Variants in RAB38 observed in about 807,000 individuals in gnomAD.
RAB38 encodes the protein ras-related protein Rab-38.
A neutral mutation model predicts 18.4 loss-of-function variants in RAB38; 15 were observed. The observed-to-expected ratio is 0.82, with a 90% CI of 0.55 to 1.26. The LOEUF (loss-of-function observed/expected upper bound fraction) is 1.26. RAB38 is among the 50% of genes most tolerant of loss of function. The pLI, the probability that RAB38 is intolerant of heterozygous loss-of-function variation, is 0.00. For missense variants in RAB38, 294 were observed against 267.4 expected (o/e 1.10, Z -0.69); for synonymous variants, 101 against 104.4 (o/e 0.97, Z 0.20).
the RAB38 span, among the ~76,000 whole-genome samples, chr11:87,805,743 A>G: frequency 6.6e-6 from 1 of 152,114 alleles, no homozygotes; most frequent in Non-Finnish European, 1.5e-5. Flanking sequence ...ACACATACAT[A>G]TATACACATA....
chr11:87,818,916 A>G, the RAB38 span, among the ~76,000 whole-genome samples: 1 of 152,328 alleles, frequency 6.6e-6, no homozygotes, highest in East Asian at 1.9e-4. Flanking sequence ...TCATCCATTC[A>G]ATTTTCACAA....
chr11:87,940,925 C>A, the RAB38 span, among the ~76,000 whole-genome samples: 1 of 151,924 alleles, frequency 6.6e-6, no homozygotes, highest in Non-Finnish European at 1.5e-5. Flanking sequence ...AGCCACCACG[C>A]CCAGCCCAGA....
At chr11:87,941,839 T>C in the RAB38 span, among the ~76,000 whole-genome samples, 1 of 152,166 alleles carries the variant, frequency 6.6e-6, no homozygotes, top group Non-Finnish European at 1.5e-5. Context: ...TCTGTTTCTC[T>C]GTAGGAATAA....
the RAB38 span, chr11:88,050,323 G>A: frequency 2.0e-5 from 3 of 152,270 alleles, no homozygotes; most frequent in African/African-American, 7.2e-5. Flanking sequence ...GACCTTATAA[G>A]TTATTTATTC....
chr11:87,951,356 G>T, the RAB38 span, among the ~76,000 whole-genome samples: 1 of 151,930 alleles, frequency 6.6e-6, no homozygotes, highest in Non-Finnish European at 1.5e-5. Context: ...CCTGTAGCTC[G>T]GAGTAGTTTG....
the RAB38 span, among the ~76,000 whole-genome samples, chr11:87,974,745 CA>C: frequency 1.3e-5 from 2 of 148,774 alleles, no homozygotes; most frequent in Non-Finnish European, 3.0e-5. Context: ...ACTTTATATA[CA>C]GAGGGATTAT....
intron 2 of RAB38, among the ~76,000 whole-genome samples, chr11:88,131,473 T>C (rs1942767156): frequency 6.6e-6 from 1 of 152,218 alleles, no homozygotes; most frequent in African/African-American, 2.4e-5. Context: ...TTTATTTCCC[T>C]GGCTTCCTTG....
the RAB38 span, among the ~76,000 whole-genome samples, chr11:88,003,973 G>A: frequency 8.5e-6 from 1 of 118,308 alleles, no homozygotes. Context: ...ATATATAAAG[G>A]TATATGCATA....
the RAB38 span, among the ~76,000 whole-genome samples, chr11:87,804,648 A>G: frequency 6.6e-6 from 1 of 152,026 alleles, no homozygotes; most frequent in Admixed American, 6.6e-5. Context: ...TCTCGGAAGT[A>G]AGGCAAGAAA....
the RAB38 span, among the ~76,000 whole-genome samples, chr11:88,071,968 G>A: frequency 2.3e-4 from 35 of 152,268 alleles, no homozygotes; most frequent in African/African-American, 7.9e-4. Flanking sequence ...CATGCCCATT[G>A]TAAGTCATAA....
At chr11:87,862,210 A>G in the RAB38 span, among the ~76,000 whole-genome samples, 1 of 151,970 alleles carries the variant, frequency 6.6e-6, no homozygotes, top group African/African-American at 2.4e-5. Flanking sequence ...ACATGCACGG[A>G]TATGTTCATT....
chr11:88,150,739 C>T (rs991309426), intron 1 of RAB38, among the ~76,000 whole-genome samples: 1 of 152,080 alleles, frequency 6.6e-6, no homozygotes, highest in South Asian at 2.1e-4. Flanking sequence ...AATCATAATT[C>T]AAACCTGAGC....
intron 2 of RAB38, among the ~76,000 whole-genome samples, chr11:88,126,738 T>C (rs574488121): frequency 1.1e-4 from 17 of 152,138 alleles, no homozygotes; most frequent in African/African-American, 3.9e-4. Context: ...GTATCCCAGC[T>C]CTGTGTATTG....
the RAB38 span, among the ~76,000 whole-genome samples, chr11:88,072,502 G>A: frequency 6.6e-6 from 1 of 152,182 alleles, no homozygotes; most frequent in South Asian, 2.1e-4. Flanking sequence ...AGAGAAAATG[G>A]CACAGAAAAA....
intron 2 of RAB38, among the ~76,000 whole-genome samples, chr11:88,125,320 T>TCC (rs1329271226): frequency 1.3e-5 from 2 of 152,162 alleles, no homozygotes; most frequent in Non-Finnish European, 2.9e-5. Context: ...CATAAACCCT[T>TCC]CCCTCAATGT....
chr11:87,893,050 C>T, the RAB38 span, among the ~76,000 whole-genome samples: 133 of 151,638 alleles, frequency 8.8e-4, no homozygotes, highest in Non-Finnish European at 1.7e-3. Context: ...GTATGTTGCT[C>T]CACAGATACT....
the RAB38 span, among the ~76,000 whole-genome samples, chr11:87,806,744 G>A: frequency 1.3e-5 from 2 of 152,148 alleles, no homozygotes; most frequent in Admixed American, 6.5e-5. Context: ...ATCAAGACAA[G>A]TATTTTATTG....
the RAB38 span, among the ~76,000 whole-genome samples, chr11:87,915,740 C>T: frequency 6.6e-6 from 1 of 152,146 alleles, no homozygotes; most frequent in Non-Finnish European, 1.5e-5. Flanking sequence ...TTTCACTTTA[C>T]TCTATGGACT....
At chr11:87,942,462 C>T in the RAB38 span, among the ~76,000 whole-genome samples, 5 of 152,112 alleles carry the variant, frequency 3.3e-5, no homozygotes, top group African/African-American at 7.2e-5. Context: ...ATTAGCAACT[C>T]GCTGTATAAA....
Sources: gnomAD v4.1 joint callset for allele counts (sites outside exome capture counted in the v4.1 genomes callset) on GRCh38, gnomAD v4.1.1 for gene constraint, MANE v1.5 for transcripts, NCBI Gene and HGNC (gene_info 2026-07-23, HGNC 2026-07-21) for gene names.